Variants in GRID2 observed in about 807,000 individuals in gnomAD.
GRID2 encodes glutamate receptor ionotropic, delta-2.
A neutral mutation model predicts 114.8 loss-of-function variants in GRID2; 33 were observed. That is an observed-to-expected ratio of 0.29 (90% CI 0.22 to 0.38). The LOEUF (loss-of-function observed/expected upper bound fraction) is 0.38, where lower values mean the gene tolerates loss of function less well. Among genes scored for constraint, GRID2 ranks in the 10% least tolerant of loss-of-function variants. GRID2 has a pLI of 1.00. For missense variants in GRID2, 1,184 were observed against 1,257.7 expected (o/e 0.94, Z 0.89); for synonymous variants, 505 against 449.9 (o/e 1.12, Z -1.55).
At chr4:93,097,567 C>T (rs1731331497) in intron 3 of GRID2, among the ~76,000 whole-genome samples, 1 of 151,684 alleles carries the variant, frequency 6.6e-6, no homozygotes, top group Non-Finnish European at 1.5e-5. Context: ...CAAAATTTTG[C>T]AGGGTGCATA....
intron 2 of GRID2, among the ~76,000 whole-genome samples, chr4:92,742,096 G>T (rs536911987): frequency 3.9e-5 from 6 of 152,028 alleles, no homozygotes; most frequent in Non-Finnish European, 8.8e-5. Context: ...TAGGAAAATT[G>T]TCTAAAATAT....
At chr4:92,949,197 G>A (rs1279564601) in intron 2 of GRID2, among the ~76,000 whole-genome samples, 2 of 151,558 alleles carry the variant, frequency 1.3e-5, no homozygotes, top group African/African-American at 2.4e-5. Context: ...AGTATTTAAC[G>A]AGTAGCTTCT....
intron 2 of GRID2, among the ~76,000 whole-genome samples, chr4:92,770,705 A>C (rs936763188): frequency 6.6e-6 from 1 of 152,070 alleles, no homozygotes; most frequent in Non-Finnish European, 1.5e-5. Flanking sequence ...AAACCATCAG[A>C]TCTCATGAGA....
intron 8 of GRID2, among the ~76,000 whole-genome samples, chr4:93,370,493 A>G (rs868002927): frequency 6.2e-5 from 9 of 144,542 alleles, no homozygotes; most frequent in East Asian, 5.9e-4. Context: ...ACACACACGC[A>G]CACACACACA....
chr4:93,703,739 T>C (rs892337196), intron 14 of GRID2, among the ~76,000 whole-genome samples: 2 of 148,030 alleles, frequency 1.4e-5, no homozygotes, highest in Non-Finnish European at 3.0e-5. Context: ...AGTGAGAACA[T>C]GCAGTGTTTG....
At chr4:92,824,048 T>C (rs1291896284) in intron 2 of GRID2, among the ~76,000 whole-genome samples, 2 of 152,138 alleles carry the variant, frequency 1.3e-5, no homozygotes, top group Admixed American at 1.3e-4. Context: ...ATCTGGCTGG[T>C]AGTTCAGGGG....
chr4:92,946,671 G>T (rs970176399), intron 2 of GRID2, among the ~76,000 whole-genome samples: 1 of 152,010 alleles, frequency 6.6e-6, no homozygotes, highest in African/African-American at 2.4e-5. Context: ...GACATAAACT[G>T]TTTTCTGCAG....
At chr4:93,167,866 T>A (rs1738401514) in intron 4 of GRID2, among the ~76,000 whole-genome samples, 1 of 152,104 alleles carries the variant, frequency 6.6e-6, no homozygotes, top group Non-Finnish European at 1.5e-5. Context: ...TGTTTCAAAG[T>A]AACTTAGGGT....
intron 14 of GRID2, among the ~76,000 whole-genome samples, chr4:93,752,589 C>T (rs1022607625): frequency 6.6e-6 from 1 of 152,056 alleles, no homozygotes; most frequent in Non-Finnish European, 1.5e-5. Flanking sequence ...CCAGGATGGT[C>T]GCGATCTCCT....
At chr4:93,612,060 C>T (rs1740989089) in intron 13 of GRID2, among the ~76,000 whole-genome samples, 1 of 152,050 alleles carries the variant, frequency 6.6e-6, no homozygotes. Flanking sequence ...ATCCCTTTAC[C>T]ATTATGTAAT....
intron 4 of GRID2, among the ~76,000 whole-genome samples, chr4:93,158,969 G>A (rs1737426215): frequency 6.6e-6 from 1 of 151,344 alleles, no homozygotes; most frequent in African/African-American, 2.4e-5. Flanking sequence ...TGTTGCTTTG[G>A]TACAAAGATT....
intron 2 of GRID2, among the ~76,000 whole-genome samples, chr4:92,986,487 A>G (rs1754514851): frequency 6.6e-6 from 1 of 152,158 alleles, no homozygotes; most frequent in South Asian, 2.1e-4. Context: ...ACAGGAAAAC[A>G]AGGAAAGTGG....
At chr4:92,919,744 C>T (rs1749144287) in intron 2 of GRID2, among the ~76,000 whole-genome samples, 1 of 152,146 alleles carries the variant, frequency 6.6e-6, no homozygotes, top group Admixed American at 6.6e-5. Context: ...TGTTCTGTTA[C>T]ATTTGCTGAG....
At chr4:92,586,355 TAC>T (rs200184543) in intron 1 of GRID2, among the ~76,000 whole-genome samples, 6,611 of 145,732 alleles carry the variant, frequency 0.045, 149 homozygotes, top group African/African-American at 0.067. Context: ...ACAAAAAATC[TAC>T]ACACACACAC....
At chr4:92,831,402 C>A (rs189819154) in intron 2 of GRID2, among the ~76,000 whole-genome samples, 1 of 151,306 alleles carries the variant, frequency 6.6e-6, no homozygotes, top group African/African-American at 2.4e-5. Flanking sequence ...TCAACAAAAA[C>A]GTGAGCTAAA....
intron 14 of GRID2, among the ~76,000 whole-genome samples, chr4:93,721,920 C>CT (rs5860343): frequency 0.39 from 51,534 of 132,522 alleles, 10,416 homozygotes; most frequent in East Asian, 0.73. Flanking sequence ...TTTCTTTTTT[C>CT]TTTTTTTTTT....
intron 2 of GRID2, among the ~76,000 whole-genome samples, chr4:92,905,087 A>G (rs916425783): frequency 1.3e-5 from 2 of 152,012 alleles, no homozygotes; most frequent in African/African-American, 4.8e-5. Context: ...AACAAATGCT[A>G]TATAGAGATT....
At chr4:93,387,273 T>C (rs113786838) in intron 8 of GRID2, among the ~76,000 whole-genome samples, 8 of 152,332 alleles carry the variant, frequency 5.3e-5, no homozygotes, top group African/African-American at 1.9e-4. Flanking sequence ...TGGTTGCTTG[T>C]ATATAACTGT....
chr4:92,323,431 T>C (rs1266215254), intron 1 of GRID2, among the ~76,000 whole-genome samples: 1 of 152,128 alleles, frequency 6.6e-6, no homozygotes, highest in Non-Finnish European at 1.5e-5. Context: ...TTCTGTTTCA[T>C]GTAGAAGTCA....
Sources: allele counts gnomAD v4.1 joint callset (sites outside exome capture counted in the v4.1 genomes callset), GRCh38; gene constraint gnomAD v4.1.1; transcripts MANE v1.5; gene names NCBI Gene and HGNC (gene_info 2026-07-23, HGNC 2026-07-21).